The following SLC9A9 variants were observed in gnomAD, a reference collection of about 807,000 sequenced individuals.
SLC9A9 encodes sodium/hydrogen exchanger 9.
In SLC9A9, 62 loss-of-function variants were observed where a neutral mutation model predicts 77.8. That is an observed-to-expected ratio of 0.80 (90% CI 0.65 to 0.98). The LOEUF (loss-of-function observed/expected upper bound fraction) is 0.98. Ranked by LOEUF, SLC9A9 falls within the 50% of genes least tolerant of loss-of-function variation. SLC9A9 has a pLI of 0.00. For missense variants in SLC9A9, 775 were observed against 774.9 expected (o/e 1.00, Z 0.00); for synonymous variants, 320 against 283.5 (o/e 1.13, Z -1.29).
In SLC9A9 at chr3:143,832,017, ACCTTTT is replaced by A. The variant is rs1270766368; in HGVS notation, c.374_378+1del. ...ATATATAATACCAGACAGGATCCTT[ACCTTTT>A]CAAGTATAGCATTTCCTTGATGAGG... On this transcript the variant is annotated splice_donor_variant and coding_sequence_variant, in exon 2 of 16. Coordinates refer to ENST00000316549, the MANE Select transcript of SLC9A9 (RefSeq NM_173653.4). LOFTEE classifies it high-confidence loss of function. The A allele has an allele frequency of 8.1e-6, 13 of 1,609,650 alleles. No individual in the cohort carries two copies. Among genetic ancestry groups the A allele is most frequent in the South Asian group, 2.2e-5 (2 of 90,988 alleles).
At chr3:143,721,133 C>A (rs74699250) in intron 4 of SLC9A9, among the ~76,000 whole-genome samples, 8 of 152,144 alleles carry the variant, frequency 5.3e-5, no homozygotes, top group Admixed American at 2.6e-4. Flanking sequence ...TGGGAAGATC[C>A]CTCAAGTTTA....
intron 6 of SLC9A9, among the ~76,000 whole-genome samples, chr3:143,621,846 C>A (rs2038219403): frequency 6.6e-6 from 1 of 151,774 alleles, no homozygotes; most frequent in Admixed American, 6.6e-5. Context: ...GAACCCATGG[C>A]AAAAAAGTTA....
chr3:143,446,620 T>C (rs1463951364), intron 12 of SLC9A9, among the ~76,000 whole-genome samples: 1 of 152,130 alleles, frequency 6.6e-6, no homozygotes, highest in Admixed American at 6.6e-5. Flanking sequence ...AGGTGGAAAG[T>C]TGTCATTCAG....
chr3:143,651,755 C>G (rs1242072), intron 6 of SLC9A9, among the ~76,000 whole-genome samples: 4,714 of 152,318 alleles, frequency 0.031, 106 homozygotes, highest in Middle Eastern at 0.088. Flanking sequence ...GAAGCTCCAT[C>G]AGTTTCATCC....
rs567306936 is a variant in SLC9A9 at position 143,779,414 on chromosome 3, C to A, written c.533+15587G>T. Among the ~76,000 whole-genome samples the A allele has an allele frequency of 5.9e-5, 9 of 152,082 alleles. 1 individual carries two copies. The South Asian group carries it at 1.7e-3, about 28-fold the overall frequency. On this transcript the variant is annotated intron_variant, in intron 4 of 15. Transcript: ENST00000316549. Reference sequence around the variant, plus strand: ...TGAGATGGAGTTTTGTTTTGTTGCCCAGGCTGGCGTGAAGTGGCACAATCT... The same window carrying A: ...TGAGATGGAGTTTTGTTTTGTTGCCAAGGCTGGCGTGAAGTGGCACAATCT...
chr3:143,832,280 G>T, intron 1 of SLC9A9, 59 bp from the exon 2 acceptor site: 1 of 1,436,736 alleles, frequency 7.0e-7, no homozygotes, highest in Non-Finnish European at 9.6e-7. Flanking sequence ...TGCCACTATT[G>T]GAAACCTATA....
rs547825321 is a variant in SLC9A9 at position 143,794,837 on chromosome 3, T to C, written c.533+164A>G. 2.6e-5 allele frequency among the ~76,000 whole-genome samples: 4 copies of C among 152,296 alleles called. No homozygotes were observed. The East Asian group carries it at 7.7e-4, about 29-fold the overall frequency. On this transcript the variant is annotated intron_variant, in intron 4 of 15. Transcript: ENST00000316549. ...GTTTGCTTTGATTTGAAGCCTTGTATTTGTCAGAAGCCGTGGAATTAAGTC... is the reference window on the plus strand; with the variant it reads ...GTTTGCTTTGATTTGAAGCCTTGTACTTGTCAGAAGCCGTGGAATTAAGTC...
intron 14 of SLC9A9, among the ~76,000 whole-genome samples, chr3:143,332,289 T>C: frequency 7.0e-6 from 1 of 143,504 alleles, no homozygotes; most frequent in South Asian, 2.2e-4. Flanking sequence ...TCTTTCTCTA[T>C]GTAGGGTTCT....
At chr3:143,706,105 G>A (rs979363599) in intron 4 of SLC9A9, among the ~76,000 whole-genome samples, 2 of 152,186 alleles carry the variant, frequency 1.3e-5, no homozygotes, top group African/African-American at 4.8e-5. Context: ...CTATACTTGG[G>A]ATGGCCCATA....
intron 1 of SLC9A9, among the ~76,000 whole-genome samples, chr3:143,842,666 G>A (rs755305288): frequency 3.3e-5 from 5 of 152,184 alleles, no homozygotes; most frequent in Admixed American, 2.6e-4. Flanking sequence ...GCAAACTGTG[G>A]AATACATAGC....
intron 4 of SLC9A9, among the ~76,000 whole-genome samples, chr3:143,704,995 A>ATTATG: frequency 8.6e-6 from 1 of 116,036 alleles, no homozygotes; most frequent in South Asian, 2.6e-4. Context: ...TCCATCTCAA[A>ATTATG]TATCTATCTA....
Position 143,282,000 on chromosome 3 carries a change from A to G in SLC9A9, c.1605-13020T>C, listed in dbSNP as rs111588429. Among the ~76,000 whole-genome samples, 481 of 152,272 alleles carry G rather than the reference A, an allele frequency of 3.2e-3. 5 individuals carry two copies. The highest frequency in any genetic ancestry group is 0.011 in the African/African-American group (463 of 41,564). ...TCACTATCTCTCTGGGCCTTTGCAAATGCTGTTCCCTCCATTTGGACAGCT... is the reference window on the plus strand; with the variant it reads ...TCACTATCTCTCTGGGCCTTTGCAAGTGCTGTTCCCTCCATTTGGACAGCT... On this transcript the variant is annotated intron_variant, in intron 14 of 15. Coordinates refer to ENST00000316549, the MANE Select transcript of SLC9A9 (RefSeq NM_173653.4).
intron 14 of SLC9A9, among the ~76,000 whole-genome samples, chr3:143,332,123 T>C (rs1341191557): frequency 1.3e-5 from 2 of 152,202 alleles, no homozygotes; most frequent in African/African-American, 4.8e-5. Context: ...AGAAATAACT[T>C]ATGCAGGATC....
chr3:143,535,664 G>A (rs2036578802), intron 9 of SLC9A9, among the ~76,000 whole-genome samples: 1 of 152,094 alleles, frequency 6.6e-6, no homozygotes, highest in Non-Finnish European at 1.5e-5. Context: ...GTAGAATAAG[G>A]TATTCTAAGA....
intron 9 of SLC9A9, among the ~76,000 whole-genome samples, chr3:143,519,642 C>T (rs1246371853): frequency 6.6e-6 from 1 of 152,048 alleles, no homozygotes; most frequent in East Asian, 1.9e-4. Flanking sequence ...AGGGTCAGGG[C>T]TGAAGTAGAA....
intron 8 of SLC9A9, among the ~76,000 whole-genome samples, chr3:143,562,521 A>G (rs910510776): frequency 2.6e-5 from 4 of 152,102 alleles, no homozygotes; most frequent in Non-Finnish European, 5.9e-5. Context: ...TTTTTTGAAT[A>G]CAAAACTTAA....
rs945647914 is a variant in SLC9A9 at position 143,745,464 on chromosome 3, T to C, written c.533+49537A>G. On this transcript the variant is annotated intron_variant, in intron 4 of 15. Coordinates refer to ENST00000316549, the MANE Select transcript of SLC9A9 (RefSeq NM_173653.4). ...CATTTTTACTCCTATGTCATAATTC[T>C]AGCTCAGCCTAGGAGTCTGGAAAGA... Among the ~76,000 whole-genome samples the C allele has an allele frequency of 2.0e-5, 3 of 152,212 alleles. No homozygotes were observed. The East Asian group carries it at 5.8e-4, about 29-fold the overall frequency.
chr3:143,756,655 G>A (rs963428925), intron 4 of SLC9A9, among the ~76,000 whole-genome samples: 1 of 152,150 alleles, frequency 6.6e-6, no homozygotes, highest in African/African-American at 2.4e-5. Flanking sequence ...ATTTTTATAG[G>A]AATAAATGCA....
rs115876169 is a variant in SLC9A9, at chr3:143,661,989, T to A, written c.650-9629A>T. On this transcript the variant is annotated intron_variant, in intron 5 of 15. Transcript: ENST00000316549. Reference sequence around the variant, plus strand: ...AACTCTGCTGCTCTTGTTCTTGAATTACAATCTCAAGGAGTGGAACCATCA... The same window carrying A: ...AACTCTGCTGCTCTTGTTCTTGAATAACAATCTCAAGGAGTGGAACCATCA... Among the ~76,000 whole-genome samples, 592 of 152,338 alleles carry A rather than the reference T, an allele frequency of 3.9e-3. 3 individuals are homozygous for A. The highest frequency in any genetic ancestry group is 0.014 in the African/African-American group (579 of 41,582).
Sources: allele counts gnomAD v4.1 joint callset (sites outside exome capture counted in the v4.1 genomes callset), GRCh38; gene constraint gnomAD v4.1.1; transcripts MANE v1.5; gene names NCBI Gene and HGNC (gene_info 2026-07-23, HGNC 2026-07-21).